The following LARGE1 variants were observed in gnomAD, a reference collection of about 807,000 sequenced individuals.
The protein encoded by LARGE1 is LARGE xylosyl- and glucuronyltransferase 1.
Under a neutral mutation model 87.6 loss-of-function variants are expected in LARGE1, and 43 were observed. The ratio of observed to expected loss-of-function variants is 0.49; its 90% CI spans 0.38 to 0.63. LARGE1 has a LOEUF of 0.63. LARGE1 is among the 30% of genes least tolerant of loss of function. The pLI, the probability that LARGE1 is intolerant of heterozygous loss-of-function variation, is 0.00. For synonymous variants in LARGE1, 434 were observed against 394.6 expected, an observed-to-expected ratio of 1.10 and a Z score of -1.18; for missense variants, 802 against 1,000.2, an observed-to-expected ratio of 0.80 and a Z score of 2.67.
chr22:33,853,504 C>T (rs944467639), intron 1 of LARGE1, among the ~76,000 whole-genome samples: 1 of 152,198 alleles, frequency 6.6e-6, no homozygotes, highest in Non-Finnish European at 1.5e-5. Flanking sequence ...TGGCCAAAGG[C>T]AGGGTTTATT....
At chr22:33,535,612 G>A (rs2077019944) in intron 6 of LARGE1, among the ~76,000 whole-genome samples, 1 of 152,056 alleles carries the variant, frequency 6.6e-6, no homozygotes. Context: ...CTCCCTGGCT[G>A]TATAAACTGG....
At chr22:33,072,221 T>G in the LARGE1 span, among the ~76,000 whole-genome samples, 6 of 152,160 alleles carry the variant, frequency 3.9e-5, no homozygotes, top group Non-Finnish European at 8.8e-5. Flanking sequence ...ATGTAGGCTG[T>G]GTACACAGTT....
intron 1 of LARGE1, among the ~76,000 whole-genome samples, chr22:33,904,628 C>T (rs1244539846): frequency 1.3e-5 from 2 of 152,154 alleles, no homozygotes; most frequent in African/African-American, 2.4e-5. Context: ...GAGTCGGTGA[C>T]GCTGTTCGAG....
intron 10 of LARGE1, among the ~76,000 whole-genome samples, chr22:33,319,056 T>A (rs181895210): frequency 6.6e-6 from 1 of 152,218 alleles, no homozygotes; most frequent in African/African-American, 2.4e-5. Flanking sequence ...CTATGGAAGA[T>A]GATGGCATTA....
chr22:33,604,675 G>T, intron 4 of LARGE1, 117 bp from the exon 5 acceptor site: 1 of 1,344,732 alleles, frequency 7.4e-7, no homozygotes, highest in Non-Finnish European at 1.1e-6. Flanking sequence ...CGGCAATTGT[G>T]AAAGTAAATC....
intron 9 of LARGE1, among the ~76,000 whole-genome samples, chr22:33,357,323 T>C (rs1940986694): frequency 6.7e-6 from 1 of 149,648 alleles, no homozygotes; most frequent in South Asian, 2.1e-4. Context: ...ACAAAGAGCA[T>C]GGAATAACAG....
intron 11 of LARGE1, among the ~76,000 whole-genome samples, chr22:33,231,073 T>C (rs1925980856): frequency 6.6e-6 from 1 of 152,204 alleles, no homozygotes; most frequent in African/African-American, 2.4e-5. Flanking sequence ...TTGGTAAATA[T>C]TGGTTGTTTG....
At chr22:33,081,269 T>C in the LARGE1 span, among the ~76,000 whole-genome samples, 76 of 152,344 alleles carry the variant, frequency 5.0e-4, 1 homozygote, top group East Asian at 9.2e-3. Flanking sequence ...AATCACCCAG[T>C]CTATGCAGCA....
intron 1 of LARGE1, among the ~76,000 whole-genome samples, chr22:33,916,705 C>G (rs970695300): frequency 6.6e-6 from 1 of 152,142 alleles, no homozygotes; most frequent in Non-Finnish European, 1.5e-5. Context: ...AATCTCTAGC[C>G]AAAAAGACAC....
intron 1 of LARGE1, among the ~76,000 whole-genome samples, chr22:33,905,062 C>A (rs571908998): frequency 1.7e-5 from 2 of 118,860 alleles, no homozygotes; most frequent in South Asian, 2.7e-4. Flanking sequence ...TTTTTAATTC[C>A]TTTTTTTTTT....
At chr22:33,503,213 T>C (rs76614106) in intron 6 of LARGE1, among the ~76,000 whole-genome samples, 2,983 of 151,988 alleles carry the variant, frequency 0.02, 77 homozygotes, top group African/African-American at 0.056. Context: ...AATGGTCCAG[T>C]TGCCTTGGAA....
intron 6 of LARGE1, among the ~76,000 whole-genome samples, chr22:33,540,422 A>G (rs1268775647): frequency 6.6e-6 from 1 of 152,198 alleles, no homozygotes; most frequent in African/African-American, 2.4e-5. Context: ...ATGATGTTGG[A>G]TTGGATTTTG....
At chr22:33,495,006 T>C (rs945776806) in intron 6 of LARGE1, among the ~76,000 whole-genome samples, 2 of 152,164 alleles carry the variant, frequency 1.3e-5, no homozygotes, top group Admixed American at 1.3e-4. Flanking sequence ...AGTCTGGAAC[T>C]GTGGCTGATT....
chr22:33,145,039 T>C, the LARGE1 span, among the ~76,000 whole-genome samples: 2 of 151,636 alleles, frequency 1.3e-5, no homozygotes, highest in East Asian at 2.0e-4. Flanking sequence ...AAGTCTGGAG[T>C]AGAAAGGAGA....
chr22:33,624,981 G>C (rs181021304), intron 4 of LARGE1, among the ~76,000 whole-genome samples: 1 of 152,162 alleles, frequency 6.6e-6, no homozygotes, highest in African/African-American at 2.4e-5. Context: ...AACCAATGAC[G>C]AATCCCAGTT....
intron 6 of LARGE1, among the ~76,000 whole-genome samples, chr22:33,499,583 C>T (rs1332289036): frequency 6.6e-6 from 1 of 152,156 alleles, no homozygotes; most frequent in East Asian, 1.9e-4. Context: ...GAGCCAGGGT[C>T]CCGTGACACC....
At chr22:33,873,210 A>G (rs1300335123) in intron 1 of LARGE1, 1 of 152,010 alleles carries the variant, frequency 6.6e-6, no homozygotes, top group Non-Finnish European at 1.5e-5. Context: ...AGAGCACACC[A>G]CCTCATTCCT....
intron 1 of LARGE1, among the ~76,000 whole-genome samples, chr22:33,842,473 T>C (rs542841640): frequency 2.6e-5 from 4 of 152,320 alleles, no homozygotes; most frequent in African/African-American, 9.6e-5. Context: ...AATATTCATA[T>C]CTTGAGCAAT....
At chr22:33,498,966 C>T (rs2070296859) in intron 6 of LARGE1, among the ~76,000 whole-genome samples, 2 of 151,530 alleles carry the variant, frequency 1.3e-5, no homozygotes, top group African/African-American at 2.4e-5. Flanking sequence ...AGGGAGATTC[C>T]GTCTCAAAAA....
Sources: allele counts gnomAD v4.1 joint callset (sites outside exome capture counted in the v4.1 genomes callset), GRCh38; gene constraint gnomAD v4.1.1; transcripts MANE v1.5; gene names NCBI Gene and HGNC (gene_info 2026-07-23, HGNC 2026-07-21).